Variants in SCG5 observed in about 807,000 individuals in gnomAD.
SCG5 encodes the protein secretogranin V, also known as neuroendocrine protein 7B2.
Under a neutral mutation model 25.7 loss-of-function variants are expected in SCG5, and 18 were observed. The observed-to-expected ratio is 0.70, with a 90% CI of 0.48 to 1.04. SCG5 has a LOEUF of 1.04. Ranked by LOEUF, SCG5 falls within the 50% of genes least tolerant of loss-of-function variation. The pLI, the probability that SCG5 is intolerant of heterozygous loss-of-function variation, is 0.00. For synonymous variants in SCG5, 101 were observed against 91.7 expected, an observed-to-expected ratio of 1.10 and a Z score of -0.58; for missense variants, 206 against 259.8, an observed-to-expected ratio of 0.79 and a Z score of 1.42.
chr15:32,654,364 T>C (rs1295136338), intron 2 of SCG5, among the ~76,000 whole-genome samples: 1 of 152,200 alleles, frequency 6.6e-6, no homozygotes, highest in East Asian at 1.9e-4. Context: ...TGGGGCTTCT[T>C]TTATTACCAT....
At chr15:32,690,172 G>A (rs1437566065) in intron 4 of SCG5, among the ~76,000 whole-genome samples, 1 of 152,158 alleles carries the variant, frequency 6.6e-6, no homozygotes, top group African/African-American at 2.4e-5. Flanking sequence ...ATCTCCTAAA[G>A]AATTAAATGA....
At chr15:32,690,369 C>T (rs905936913) in intron 4 of SCG5, among the ~76,000 whole-genome samples, 2 of 152,210 alleles carry the variant, frequency 1.3e-5, no homozygotes, top group African/African-American at 4.8e-5. Flanking sequence ...ACCAGCTCTT[C>T]GGATATTCTC....
intron 2 of SCG5, among the ~76,000 whole-genome samples, chr15:32,659,259 T>C (rs1303449972): frequency 6.6e-6 from 1 of 152,200 alleles, no homozygotes; most frequent in Non-Finnish European, 1.5e-5. Flanking sequence ...CTGCACAGCA[T>C]GTGCCGGATC....
At chr15:32,670,819 G>A (rs1433984569) in intron 2 of SCG5, among the ~76,000 whole-genome samples, 1 of 152,178 alleles carries the variant, frequency 6.6e-6, no homozygotes, top group Non-Finnish European at 1.5e-5. Context: ...GAATTGATGA[G>A]GAGGCACTGA....
chr15:32,661,526 A>G (rs1170481725), intron 2 of SCG5, among the ~76,000 whole-genome samples: 1 of 152,212 alleles, frequency 6.6e-6, no homozygotes, highest in Non-Finnish European at 1.5e-5. Context: ...AGGCTGAGGC[A>G]GGAGAATCAC....
At chr15:32,671,359 G>C (rs969406288) in intron 2 of SCG5, among the ~76,000 whole-genome samples, 9 of 152,322 alleles carry the variant, frequency 5.9e-5, no homozygotes, top group Middle Eastern at 3.4e-3. Flanking sequence ...AAATGACTCT[G>C]TTCTTTTCTT....
chr15:32,681,091 T>C (rs1298126720), intron 3 of SCG5, among the ~76,000 whole-genome samples: 1 of 152,220 alleles, frequency 6.6e-6, no homozygotes, highest in African/African-American at 2.4e-5. Context: ...ATCCTGATTA[T>C]AATTAGCTTT....
chr15:32,690,072 A>T (rs1180040125), intron 4 of SCG5, among the ~76,000 whole-genome samples: 4 of 152,000 alleles, frequency 2.6e-5, no homozygotes, highest in Non-Finnish European at 4.4e-5. Flanking sequence ...CGATCTCCTG[A>T]CCTCGTGATC....
intron 4 of SCG5, 141 bp from the exon 5 acceptor site, chr15:32,691,569 C>A: frequency 2.9e-6 from 2 of 700,394 alleles, no homozygotes; most frequent in East Asian, 2.8e-5. Flanking sequence ...TCTGACACGA[C>A]ATTCCTTTCA....
chr15:32,691,955 CTTTAGCAGATGA>C, intron 5 of SCG5, 192 bp downstream of exon 5: 1 of 1,436,828 alleles, frequency 7.0e-7, no homozygotes, highest in Non-Finnish European at 9.1e-7. Flanking sequence ...CTTCCCCAGG[CTTTAGCAGATGA>C]TTTTTAGTGG....
intron 2 of SCG5, among the ~76,000 whole-genome samples, chr15:32,671,190 C>A (rs1160986585): frequency 1.3e-5 from 2 of 152,158 alleles, no homozygotes; most frequent in Admixed American, 1.3e-4. Flanking sequence ...GCTATAAAAG[C>A]CTCTTTGTAT....
chr15:32,691,304 T>C (rs941642716), intron 4 of SCG5, among the ~76,000 whole-genome samples: 5 of 152,206 alleles, frequency 3.3e-5, no homozygotes, highest in Admixed American at 2.0e-4. Context: ...AGGGGATTGT[T>C]GTTAATAGTC....
intron 2 of SCG5, among the ~76,000 whole-genome samples, chr15:32,657,935 C>T (rs1248163371): frequency 2.6e-5 from 4 of 152,072 alleles, no homozygotes; most frequent in African/African-American, 7.2e-5. Flanking sequence ...AGGAATTGAG[C>T]GTGTTTACAG....
In SCG5 at chr15:32,657,199, G is replaced by GTATATATATATATATATATATATA. The variant is rs71113463; in HGVS notation, c.226+13394_226+13395insATATATATATATATATATATATAT. On this transcript the variant is annotated intron_variant, in intron 2 of 5. Coordinates refer to ENST00000300175, the MANE Select transcript of SCG5 (RefSeq NM_001144757.3). ...CCTTAATTCTTTCTTTCATCCTCCT[G>GTATATATATATATATATATATATA]TATATATATATATGTATGTATTTCC... is the stretch of plus-strand genomic sequence containing the variant. 6.7e-3 allele frequency among the ~76,000 whole-genome samples: 45 copies of GTATATATATATATATATATATATA among 6,674 alleles called. 6 individuals carry two copies. The highest frequency in any genetic ancestry group is 0.17 in the Middle Eastern group (2 of 12). The allele number at this position is 6,674 out of a possible 152,430, so 4.4% of individuals were successfully genotyped here. A position where few individuals can be genotyped will look rare whatever the true frequency, so the allele number is the denominator to read the frequency against.
At chr15:32,660,535 C>A (rs1440523039) in intron 2 of SCG5, among the ~76,000 whole-genome samples, 2 of 152,328 alleles carry the variant, frequency 1.3e-5, no homozygotes, top group East Asian at 3.9e-4. Flanking sequence ...TACCTTAGAT[C>A]TATTAATAGA....
intron 2 of SCG5, among the ~76,000 whole-genome samples, chr15:32,660,309 AG>A (rs2054196020): frequency 6.6e-6 from 1 of 152,202 alleles, no homozygotes; most frequent in African/African-American, 2.4e-5. Context: ...GAGAGTTATC[AG>A]TACCTACAGA....
intron 2 of SCG5, among the ~76,000 whole-genome samples, chr15:32,668,723 C>T (rs1210742511): frequency 6.6e-6 from 1 of 152,208 alleles, no homozygotes; most frequent in African/African-American, 2.4e-5. Flanking sequence ...TCAACAGAAA[C>T]CATCAGAGAG....
intron 2 of SCG5, among the ~76,000 whole-genome samples, chr15:32,661,692 G>A (rs983124301): frequency 6.6e-6 from 1 of 152,114 alleles, no homozygotes; most frequent in Non-Finnish European, 1.5e-5. Context: ...AATCAGACCC[G>A]CTGTGGAGAC....
At chr15:32,654,360 T>C (rs12101641) in intron 2 of SCG5, among the ~76,000 whole-genome samples, 82,904 of 152,004 alleles carry the variant, frequency 0.55, 22,787 homozygotes, top group Middle Eastern at 0.7. Context: ...TCTCTGGGGC[T>C]TCTTTTATTA....
Sources: allele counts gnomAD v4.1 joint callset (sites outside exome capture counted in the v4.1 genomes callset), GRCh38; gene constraint gnomAD v4.1.1; transcripts MANE v1.5; gene names NCBI Gene and HGNC (gene_info 2026-07-23, HGNC 2026-07-21).